The following FAF1 variants were observed in gnomAD, a reference collection of about 807,000 sequenced individuals.
FAF1 encodes FAS-associated factor 1.
Under a neutral mutation model 92.5 loss-of-function variants are expected in FAF1, and 25 were observed. That is an observed-to-expected ratio of 0.27 (90% CI 0.20 to 0.38). The LOEUF (loss-of-function observed/expected upper bound fraction) is 0.38, where lower values mean the gene tolerates loss of function less well. Ranked by LOEUF, FAF1 falls within the 10% of genes least tolerant of loss-of-function variation. FAF1 has a pLI of 1.00. For synonymous variants in FAF1, 234 were observed against 273.2 expected, an observed-to-expected ratio of 0.86 and a Z score of 1.42; for missense variants, 636 against 793.3, an observed-to-expected ratio of 0.80 and a Z score of 2.38.
intron 6 of FAF1, among the ~76,000 whole-genome samples, chr1:50,718,722 T>C (rs569613112): frequency 5.3e-5 from 8 of 152,346 alleles, no homozygotes; most frequent in African/African-American, 1.9e-4. Flanking sequence ...AAATGTGGTA[T>C]TGAATTTTTC....
chr1:50,930,935 C>G (rs1645042354), intron 1 of FAF1, among the ~76,000 whole-genome samples: 1 of 152,202 alleles, frequency 6.6e-6, no homozygotes, highest in Admixed American at 6.5e-5. Context: ...TTTAGTAATA[C>G]TCCTTAACTT....
At chr1:50,528,640 T>C (rs1259794900) in intron 15 of FAF1, among the ~76,000 whole-genome samples, 1 of 152,220 alleles carries the variant, frequency 6.6e-6, no homozygotes, top group Non-Finnish European at 1.5e-5. Flanking sequence ...ATTTCTATAC[T>C]AATGTTGAAC....
chr1:50,616,771 C>G (rs1652933183), intron 8 of FAF1, among the ~76,000 whole-genome samples: 1 of 151,822 alleles, frequency 6.6e-6, no homozygotes, highest in Non-Finnish European at 1.5e-5. Flanking sequence ...ACCTCCACCT[C>G]CTGGATTCAA....
chr1:50,793,751 T>C (rs1422631601), intron 3 of FAF1, among the ~76,000 whole-genome samples: 1 of 152,256 alleles, frequency 6.6e-6, no homozygotes, highest in Non-Finnish European at 1.5e-5. Context: ...TTTGTCATAA[T>C]AATAGTCTAT....
At chr1:50,918,553 T>C (rs1292394534) in intron 1 of FAF1, among the ~76,000 whole-genome samples, 7 of 35,016 alleles carry the variant, frequency 2.0e-4, no homozygotes, top group African/African-American at 8.7e-4. Context: ...TAGTATTCCA[T>C]GGTGTATATG....
chr1:50,867,362 G>C (rs1644489874), intron 1 of FAF1, among the ~76,000 whole-genome samples: 1 of 152,122 alleles, frequency 6.6e-6, no homozygotes, highest in East Asian at 1.9e-4. Flanking sequence ...AAAAGCTTCT[G>C]CACAGGAAAA....
chr1:50,919,745 T>C (rs1644948497), intron 1 of FAF1, among the ~76,000 whole-genome samples: 1 of 152,110 alleles, frequency 6.6e-6, no homozygotes, highest in South Asian at 2.1e-4. Context: ...CCTTGGCCTT[T>C]TACAGGCGTG....
chr1:50,901,621 T>G (rs1316290192), intron 1 of FAF1, among the ~76,000 whole-genome samples: 1 of 152,088 alleles, frequency 6.6e-6, no homozygotes, highest in Non-Finnish European at 1.5e-5. Flanking sequence ...ATCTCAGCAC[T>G]TTGGGAAGCC....
chr1:50,534,671 G>A (rs145801777), intron 15 of FAF1, among the ~76,000 whole-genome samples: 30 of 152,246 alleles, frequency 2.0e-4, no homozygotes, highest in Middle Eastern at 3.4e-3. Context: ...TCTATTTACT[G>A]CCATAACACT....
chr1:50,825,071 A>G (rs1644083312), intron 2 of FAF1, among the ~76,000 whole-genome samples: 1 of 152,158 alleles, frequency 6.6e-6, no homozygotes, highest in Non-Finnish European at 1.5e-5. Flanking sequence ...ACAATAATTT[A>G]GTGTGTATTT....
chr1:50,780,547 C>T, intron 4 of FAF1: 1 of 203,408 alleles, frequency 4.9e-6, no homozygotes, highest in Non-Finnish European at 1.0e-5. Context: ...TTGACTTTCA[C>T]TCTTGACCAC....
At chr1:50,663,692 C>T (rs1044112101) in intron 7 of FAF1, among the ~76,000 whole-genome samples, 11 of 151,386 alleles carry the variant, frequency 7.3e-5, no homozygotes, top group Admixed American at 2.6e-4. Context: ...CGTGAGCCAC[C>T]GCGCCCGGCC....
rs555713419 is a variant in FAF1, at chr1:50,771,659, G to C, written c.367+16341C>G. On this transcript the variant is annotated intron_variant, in intron 4 of 18. Coordinates refer to ENST00000396153, the MANE Select transcript of FAF1 (RefSeq NM_007051.3). Reference sequence around the variant, plus strand: ...CTCACACCTGTAATCCCAGCACTTTGGGAGGCCGAGGTGGGCAGATCACCT... The same window carrying C: ...CTCACACCTGTAATCCCAGCACTTTCGGAGGCCGAGGTGGGCAGATCACCT... Among the ~76,000 whole-genome samples the C allele has an allele frequency of 4.4e-3, 675 of 152,232 alleles. 4 individuals are homozygous for C. Among genetic ancestry groups the C allele is most frequent in the African/African-American group, 0.013 (553 of 41,544 alleles).
chr1:50,664,723 G>A (rs1278235137), intron 7 of FAF1, among the ~76,000 whole-genome samples: 1 of 152,230 alleles, frequency 6.6e-6, no homozygotes, highest in Admixed American at 6.5e-5. Context: ...GAACCCAGGA[G>A]GCGGAGCTTG....
At chr1:50,600,973 G>A (rs1264813185) in intron 8 of FAF1, among the ~76,000 whole-genome samples, 2 of 151,976 alleles carry the variant, frequency 1.3e-5, no homozygotes, top group African/African-American at 4.8e-5. Flanking sequence ...AAGCTCTCTG[G>A]GGTCTTTGAT....
chr1:50,593,337 G>C (rs1251721022), intron 9 of FAF1, among the ~76,000 whole-genome samples: 3 of 152,176 alleles, frequency 2.0e-5, no homozygotes, highest in South Asian at 4.1e-4. Flanking sequence ...GTGAGGGTGA[G>C]AGAAGAAAAT....
intron 7 of FAF1, among the ~76,000 whole-genome samples, chr1:50,688,424 A>G (rs1363295353): frequency 1.3e-5 from 2 of 152,210 alleles, no homozygotes; most frequent in East Asian, 3.8e-4. Flanking sequence ...ACAATACTCA[A>G]AAGGTGGAAA....
At chr1:50,446,983 T>A (rs1646234047) in intron 18 of FAF1, among the ~76,000 whole-genome samples, 1 of 151,670 alleles carries the variant, frequency 6.6e-6, no homozygotes, top group African/African-American at 2.4e-5. Context: ...GGTTCCCTAA[T>A]AATTTTCATA....
intron 15 of FAF1, among the ~76,000 whole-genome samples, chr1:50,512,473 C>T (rs756114523): frequency 1.3e-5 from 2 of 152,148 alleles, no homozygotes; most frequent in Admixed American, 6.6e-5. Flanking sequence ...GCCAGTTTTC[C>T]CAACACTATT....
Sources: gnomAD v4.1 joint callset for allele counts (sites outside exome capture counted in the v4.1 genomes callset) on GRCh38, gnomAD v4.1.1 for gene constraint, MANE v1.5 for transcripts, NCBI Gene and HGNC (gene_info 2026-07-23, HGNC 2026-07-21) for gene names.